Variants in EEFSEC observed in about 807,000 individuals in gnomAD.
The protein encoded by EEFSEC is eukaryotic elongation factor, selenocysteine-tRNA specific.
A neutral mutation model predicts 42.1 loss-of-function variants in EEFSEC; 43 were observed. The ratio of observed to expected loss-of-function variants is 1.02; its 90% CI spans 0.80 to 1.32. The LOEUF is 1.32. Among genes scored for constraint, EEFSEC ranks in the 40% most tolerant of loss-of-function variants. The pLI is 0.00. For synonymous variants in EEFSEC, 354 were observed against 339.1 expected (o/e 1.04, Z -0.48); for missense variants, 745 against 803.6 (o/e 0.93, Z 0.88).
chr3:128,356,233 T>TG (rs2067452678), intron 5 of EEFSEC, among the ~76,000 whole-genome samples: 1 of 152,268 alleles, frequency 6.6e-6, no homozygotes, highest in African/African-American at 2.4e-5. Context: ...CCTTTGGTCC[T>TG]GGTGGGGCCT....
At chr3:128,376,726 G>T (rs2067714206) in intron 6 of EEFSEC, among the ~76,000 whole-genome samples, 1 of 152,116 alleles carries the variant, frequency 6.6e-6, no homozygotes, top group Non-Finnish European at 1.5e-5. Flanking sequence ...GATCCTTCTG[G>T]CCAAGCAGTG....
intron 6 of EEFSEC, among the ~76,000 whole-genome samples, chr3:128,370,100 CTG>C (rs1357552231): frequency 6.6e-6 from 1 of 152,240 alleles, no homozygotes; most frequent in Non-Finnish European, 1.5e-5. Context: ...TTTTACAACA[CTG>C]ATGTTTTTGA....
rs193069349 is a variant in EEFSEC at position 128,330,357 on chromosome 3, T to C, written c.787-10876T>C. 1.2e-3 allele frequency among the ~76,000 whole-genome samples: 179 copies of C among 152,278 alleles called. 2 individuals are homozygous for C. The highest frequency in any genetic ancestry group is 0.01 in the Middle Eastern group (3 of 294). On this transcript the variant is annotated intron_variant, in intron 4 of 6. Transcript: ENST00000254730. ...CCTTCCTCTCAGAGTGTGCCCCATG[T>C]GGCAGGCACTGTGCTGAGGATCGGT...
chr3:128,178,473 A>G (rs1050586566), intron 1 of EEFSEC, among the ~76,000 whole-genome samples: 2 of 152,192 alleles, frequency 1.3e-5, no homozygotes, highest in Non-Finnish European at 2.9e-5. Context: ...AAATTTTGCT[A>G]CCATTGTGTT....
intron 1 of EEFSEC, among the ~76,000 whole-genome samples, chr3:128,176,020 G>A (rs1576519411): frequency 6.6e-6 from 1 of 152,222 alleles, no homozygotes; most frequent in Admixed American, 6.5e-5. Flanking sequence ...TTTCGTGTGT[G>A]TGAGAATCCA....
intron 1 of EEFSEC, among the ~76,000 whole-genome samples, chr3:128,237,710 T>A (rs2066027707): frequency 6.6e-6 from 1 of 152,230 alleles, no homozygotes; most frequent in African/African-American, 2.4e-5. Flanking sequence ...TTGTCTGCTA[T>A]CTTGTCCAGG....
intron 4 of EEFSEC, among the ~76,000 whole-genome samples, chr3:128,285,867 G>A (rs1216403597): frequency 2.6e-5 from 4 of 152,134 alleles, no homozygotes; most frequent in Admixed American, 6.5e-5. Flanking sequence ...CACCTTAGGC[G>A]TTTAACCATC....
intron 6 of EEFSEC, among the ~76,000 whole-genome samples, chr3:128,361,054 G>A (rs1338626581): frequency 6.6e-6 from 1 of 152,190 alleles, no homozygotes; most frequent in South Asian, 2.1e-4. Flanking sequence ...GCAGGGTGGG[G>A]AAGCCTGGGT....
chr3:128,315,073 G>A (rs539491122), intron 4 of EEFSEC, among the ~76,000 whole-genome samples: 14 of 152,326 alleles, frequency 9.2e-5, no homozygotes, highest in Admixed American at 9.2e-4. Context: ...AGGCAATAGA[G>A]TGTGGTGTAT....
intron 1 of EEFSEC, among the ~76,000 whole-genome samples, chr3:128,178,889 G>A (rs1464790669): frequency 6.6e-6 from 1 of 152,132 alleles, no homozygotes; most frequent in Non-Finnish European, 1.5e-5. Context: ...ACAAGCTTTG[G>A]ATGTTTGGTT....
downstream of EEFSEC, among the ~76,000 whole-genome samples, chr3:128,411,878 C>A (rs560477691): frequency 3.3e-5 from 5 of 152,362 alleles, no homozygotes; most frequent in East Asian, 9.6e-4. Context: ...TGTGCATGTG[C>A]GCACACGGGC....
downstream of EEFSEC, among the ~76,000 whole-genome samples, chr3:128,409,396 C>T (rs1007838752): frequency 3.3e-5 from 5 of 151,902 alleles, no homozygotes; most frequent in African/African-American, 9.7e-5. Flanking sequence ...CCCGTGTGCA[C>T]GTGGTGGGTG....
At chr3:128,185,991 T>C (rs1432974705) in intron 1 of EEFSEC, among the ~76,000 whole-genome samples, 1 of 152,232 alleles carries the variant, frequency 6.6e-6, no homozygotes, top group Non-Finnish European at 1.5e-5. Flanking sequence ...GGTAACTCTA[T>C]GTTACCTTTA....
intron 4 of EEFSEC, among the ~76,000 whole-genome samples, chr3:128,278,115 G>A (rs562856591): frequency 7.2e-5 from 11 of 152,344 alleles, no homozygotes; most frequent in African/African-American, 2.6e-4. Flanking sequence ...GGTGGGTGAT[G>A]TAGTGTGTGT....
chr3:128,281,740 G>A lies in EEFSEC; in HGVS notation c.786+16959G>A, dbSNP rs1258508168. 4.6e-5 allele frequency among the ~76,000 whole-genome samples: 7 copies of A among 152,298 alleles called. No individual in the cohort carries two copies. In the East Asian group the frequency reaches 1.4e-3, roughly 29 times the overall value. On this transcript the variant is annotated intron_variant, in intron 4 of 6. Transcript: ENST00000254730. The stretch of plus-strand genomic sequence containing the variant: ...AAGCATGTCCTAAGGACAGATAGGG[G>A]AGGAACCTCTGAGGCAGGCACTCAG...
chr3:128,153,971 C>T (rs2107748383), intron 1 of EEFSEC, 148 bp downstream of exon 1: 1 of 1,207,706 alleles, frequency 8.3e-7, no homozygotes, highest in East Asian at 3.0e-5. Context: ...GCGGACGTGA[C>T]TTGCCTAGGG....
intron 6 of EEFSEC, among the ~76,000 whole-genome samples, chr3:128,381,354 T>G (rs572195632): frequency 6.6e-6 from 1 of 152,280 alleles, no homozygotes; most frequent in East Asian, 1.9e-4. Context: ...GTGGTCATCT[T>G]TATTGTTGTT....
At chr3:128,353,514 T>C (rs2067414479) in intron 5 of EEFSEC, among the ~76,000 whole-genome samples, 1 of 152,218 alleles carries the variant, frequency 6.6e-6, no homozygotes, top group African/African-American at 2.4e-5. Flanking sequence ...AACTTGGGGA[T>C]TGTCTTCTGC....
At chr3:128,176,963 G>A (rs1177203795) in intron 1 of EEFSEC, among the ~76,000 whole-genome samples, 1 of 150,144 alleles carries the variant, frequency 6.7e-6, no homozygotes, top group Non-Finnish European at 1.5e-5. Flanking sequence ...TTTTTCTGTA[G>A]TTTAAATGAA....
Sources: gnomAD v4.1 joint callset for allele counts (sites outside exome capture counted in the v4.1 genomes callset) on GRCh38, gnomAD v4.1.1 for gene constraint, MANE v1.5 for transcripts, NCBI Gene and HGNC (gene_info 2026-07-23, HGNC 2026-07-21) for gene names.